Variants in GRM8 observed in about 807,000 individuals in gnomAD.
The protein encoded by GRM8 is metabotropic glutamate receptor 8.
In GRM8, 47 loss-of-function variants were observed where a neutral mutation model predicts 87.2. The observed-to-expected ratio is 0.54, with a 90% confidence interval of 0.43 to 0.69. The LOEUF (loss-of-function observed/expected upper bound fraction) is 0.69, where lower values mean the gene tolerates loss of function less well. Ranked by LOEUF, GRM8 falls within the 30% of genes least tolerant of loss-of-function variation. GRM8 has a pLI of 0.00. For synonymous variants in GRM8, 396 were observed against 404.5 expected, an observed-to-expected ratio of 0.98 and a Z score of 0.25; for missense variants, 1,019 against 1,139.2, an observed-to-expected ratio of 0.89 and a Z score of 1.52.
At chr7:126,760,190 C>T (rs565302121) in intron 7 of GRM8, among the ~76,000 whole-genome samples, 22 of 152,056 alleles carry the variant, frequency 1.4e-4, no homozygotes, top group Non-Finnish European at 2.1e-4. Flanking sequence ...ATTCATCCTG[C>T]TTTTTTTCAA....
At chr7:127,131,287 T>G (rs1030618973) in intron 2 of GRM8, among the ~76,000 whole-genome samples, 1 of 152,052 alleles carries the variant, frequency 6.6e-6, no homozygotes, top group Non-Finnish European at 1.5e-5. Context: ...AGATCCAGAG[T>G]TATAGAAAGT....
In GRM8 at chr7:126,904,597, T is replaced by C; in HGVS notation, c.814A>G (p.Thr272Ala). 1.2e-6 allele frequency: 2 copies of C among 1,613,698 alleles called. No homozygotes were observed. Among genetic ancestry groups the C allele is most frequent in the Non-Finnish European group, 1.7e-6 (2 of 1,179,634 alleles). ...FEKIIKRLLE[T>A]PNARAVIMFA... ...ATAATCACTGCTCGAGCATTAGGTG[T>C]TTCTAGCAGGCGTTTGATAATTTTT... Residue 272 changes from threonine to alanine, a missense_variant, in exon 4 of 11, where the codon ACA becomes GCA. Coordinates refer to ENST00000339582, the MANE Select transcript of GRM8 (RefSeq NM_000845.3).
At chr7:127,000,623 T>C (rs1377964917) in intron 3 of GRM8, among the ~76,000 whole-genome samples, 2 of 151,692 alleles carry the variant, frequency 1.3e-5, no homozygotes, top group Admixed American at 1.3e-4. Context: ...ATTCCACTTA[T>C]ATGGTGTATA....
intron 7 of GRM8, among the ~76,000 whole-genome samples, chr7:126,636,224 A>G (rs1801838648): frequency 6.6e-6 from 1 of 152,098 alleles, no homozygotes; most frequent in Admixed American, 6.6e-5. Flanking sequence ...TATATAAAAT[A>G]CATATTTTGT....
At chr7:126,617,774 A>G (rs1275546083) in intron 7 of GRM8, among the ~76,000 whole-genome samples, 1 of 152,230 alleles carries the variant, frequency 6.6e-6, no homozygotes, top group Non-Finnish European at 1.5e-5. Flanking sequence ...ACTCCCATTT[A>G]CAATTGCTTC....
chr7:126,816,017 T>C (rs956187998), intron 6 of GRM8, among the ~76,000 whole-genome samples: 6 of 152,028 alleles, frequency 3.9e-5, no homozygotes, highest in Non-Finnish European at 7.4e-5. Flanking sequence ...TATATATATA[T>C]ATAGTCACAA....
chr7:126,882,408 TA>T, intron 6 of GRM8, among the ~76,000 whole-genome samples: 1 of 152,164 alleles, frequency 6.6e-6, no homozygotes, highest in South Asian at 2.1e-4. Flanking sequence ...ACTAAGGGGG[TA>T]AGGAAGAGGT....
At position 126,533,277 on chromosome 7, in the gene GRM8, A is replaced by G; in HGVS notation, c.2105T>C (p.Leu702Pro). 1 of 1,613,756 alleles carries G rather than the reference A, an allele frequency of 6.2e-7. No homozygotes were observed. Among genetic ancestry groups the G allele is most frequent in the Non-Finnish European group, 8.5e-7 (1 of 1,179,920 alleles). Reference sequence around the variant, plus strand: ...CACTCCAAGGAGCTGGACGGAGATGAGGCTGAAGGTGATCACCAGCTGAGA... The same window carrying G: ...CACTCCAAGGAGCTGGACGGAGATGGGGCTGAAGGTGATCACCAGCTGAGA... ...PASQLVITFS[L>P]ISVQLLGVFV... The change falls in exon 9 of 11, where the codon CTC (leucine) becomes CCC (proline). Residue 702 changes from leucine (L) to proline (P), a missense_variant. Leu to Pro is a moderately conservative substitution (Grantham distance 98). Coordinates refer to ENST00000339582, the MANE Select transcript of GRM8 (RefSeq NM_000845.3).
chr7:126,799,472 T>C (rs900670631), intron 6 of GRM8, among the ~76,000 whole-genome samples: 1 of 152,062 alleles, frequency 6.6e-6, no homozygotes, highest in African/African-American at 2.4e-5. Context: ...AACAATAATG[T>C]AGACATGATG....
intron 2 of GRM8, among the ~76,000 whole-genome samples, chr7:127,234,472 A>G (rs949282540): frequency 1.3e-5 from 2 of 152,216 alleles, no homozygotes; most frequent in Non-Finnish European, 2.9e-5. Flanking sequence ...ACCAATATGA[A>G]CAGAAATCCA....
At chr7:126,582,711 T>C (rs1373626240) in intron 8 of GRM8, among the ~76,000 whole-genome samples, 1 of 152,138 alleles carries the variant, frequency 6.6e-6, no homozygotes, top group Non-Finnish European at 1.5e-5. Flanking sequence ...CATTGAACAT[T>C]CTGAAAAACC....
chr7:126,746,332 T>A (rs1225405777), intron 7 of GRM8, among the ~76,000 whole-genome samples: 1 of 151,684 alleles, frequency 6.6e-6, no homozygotes, highest in Non-Finnish European at 1.5e-5. Flanking sequence ...ACATTACAAA[T>A]CTTTAATAGT....
intron 3 of GRM8, among the ~76,000 whole-genome samples, chr7:126,968,680 T>C (rs1382217981): frequency 1.3e-5 from 2 of 152,122 alleles, no homozygotes; most frequent in Non-Finnish European, 2.9e-5. Context: ...AAGGAAACCA[T>C]TTGATTCAAA....
intron 9 of GRM8, among the ~76,000 whole-genome samples, chr7:126,498,942 A>C (rs1809204095): frequency 6.6e-6 from 1 of 152,024 alleles, no homozygotes; most frequent in South Asian, 2.1e-4. Flanking sequence ...TTGTTGGCAT[A>C]AAATAAAATA....
chr7:127,172,696 G>A (rs1222744672), intron 2 of GRM8, among the ~76,000 whole-genome samples: 5 of 142,156 alleles, frequency 3.5e-5, no homozygotes, highest in Middle Eastern at 3.6e-3. Context: ...GTGACAGTGC[G>A]AGACTCCGTC....
intron 3 of GRM8, among the ~76,000 whole-genome samples, chr7:126,912,468 A>G (rs183908752): frequency 1.1e-3 from 166 of 152,312 alleles, no homozygotes; most frequent in Middle Eastern, 3.4e-3. Context: ...CAGACAGAAG[A>G]TTGTAAAACT....
chr7:127,049,313 C>T lies in GRM8; in HGVS notation c.727+57183G>A, dbSNP rs182513630. Reference sequence around the variant, plus strand: ...TACTAATGAAATATTTCTGTATATTCTTCAGTGACAAACTGGGTGGCTTTA... The same window carrying T: ...TACTAATGAAATATTTCTGTATATTTTTCAGTGACAAACTGGGTGGCTTTA... On this transcript the variant is annotated intron_variant, in intron 3 of 10. Coordinates refer to ENST00000339582, the MANE Select transcript of GRM8 (RefSeq NM_000845.3). 2.3e-3 allele frequency among the ~76,000 whole-genome samples: 348 copies of T among 152,176 alleles called. 4 individuals are homozygous for T. The highest frequency in any genetic ancestry group is 8.1e-3 in the African/African-American group (335 of 41,510).
rs553611720 is a variant in GRM8, at chr7:126,989,832, C to T, written c.728-85149G>A. 1.7e-4 allele frequency among the ~76,000 whole-genome samples: 26 copies of T among 152,014 alleles called. 1 individual carries two copies. The highest frequency in any genetic ancestry group is 6.3e-4 in the African/African-American group (26 of 41,458). On this transcript the variant is annotated intron_variant, in intron 3 of 10. Transcript: ENST00000339582. ...AAATAAATAGCCAGGCATGGTGGTG[C>T]GTGCCTGTGGTCCCAGCTACTCCAG... is the stretch of plus-strand genomic sequence containing the variant.
intron 3 of GRM8, among the ~76,000 whole-genome samples, chr7:127,047,019 A>G (rs1474452000): frequency 6.6e-6 from 1 of 152,146 alleles, no homozygotes; most frequent in East Asian, 1.9e-4. Context: ...AAGGCATTTG[A>G]TTTTCTCTAA....
Sources: gnomAD v4.1 joint callset for allele counts (sites outside exome capture counted in the v4.1 genomes callset) on GRCh38, gnomAD v4.1.1 for gene constraint, MANE v1.5 for transcripts, NCBI Gene and HGNC (gene_info 2026-07-23, HGNC 2026-07-21) for gene names.